The following PARPBP variants were observed in gnomAD, a reference collection of about 807,000 sequenced individuals.
PARPBP encodes the protein PCNA-interacting partner.
A neutral mutation model predicts 50.0 loss-of-function variants in PARPBP; 52 were observed. The observed-to-expected ratio is 1.04, with a 90% CI of 0.83 to 1.31. The LOEUF (loss-of-function observed/expected upper bound fraction) is 1.31. Ranked by LOEUF, PARPBP falls within the 50% of genes most tolerant of loss-of-function variation. PARPBP has a pLI of 0.00. For missense variants in PARPBP, 697 were observed against 672.0 expected, an observed-to-expected ratio of 1.04 and a Z score of -0.41; for synonymous variants, 244 against 232.1, an observed-to-expected ratio of 1.05 and a Z score of -0.47.
Position 102,139,710 on chromosome 12 carries a change from G to A in PARPBP, c.154-8520G>A, listed in dbSNP as rs551129591. On this transcript the variant is annotated intron_variant, in intron 2 of 10. Coordinates refer to ENST00000327680, the MANE Select transcript of PARPBP (RefSeq NM_017915.5). ...AGCCTGAAGGGCTGTTGAATTTTGT[G>A]GAAGGCCTTTTCTGCATCTGTTGAG... Among the ~76,000 whole-genome samples, 9 of 152,184 alleles carry A rather than the reference G, an allele frequency of 5.9e-5. 1 individual carries two copies. The highest frequency in any genetic ancestry group is 6.8e-3 in the Middle Eastern group (2 of 294).
chr12:102,151,543 T>C (rs1051357942), intron 3 of PARPBP: 2 of 1,513,918 alleles, frequency 1.3e-6, no homozygotes, highest in South Asian at 1.2e-5. Flanking sequence ...CTGCACACTT[T>C]TTAGGACCTT....
Position 102,175,559 on chromosome 12 carries a change from A to C in PARPBP, c.898A>C (p.Lys300Gln). ...CCAAAACAGCAGGGATCCTTTTTGCAAAGCAATAGAGGAAGTTGCTCAGGA... is the reference window on the plus strand; with the variant it reads ...CCAAAACAGCAGGGATCCTTTTTGCCAAGCAATAGAGGAAGTTGCTCAGGA... The part of the protein sequence containing the change: ...KGQNSRDPFC[K>Q]AIEEVAQDLD... The change falls in exon 7 of 11, where the codon AAA becomes CAA. Residue 300 changes from lysine to glutamine, a missense_variant. By Grantham distance (53) the Lys-to-Gln change is moderately conservative (BLOSUM62 1). Coordinates refer to ENST00000327680, the MANE Select transcript of PARPBP (RefSeq NM_017915.5). 1 of 1,612,972 alleles carries C rather than the reference A, an allele frequency of 6.2e-7. No homozygotes were observed. The highest frequency in any genetic ancestry group is 8.5e-7 in the Non-Finnish European group (1 of 1,178,990).
chr12:102,155,604 G>GT (rs1555216804), intron 4 of PARPBP, among the ~76,000 whole-genome samples: 2 of 115,484 alleles, frequency 1.7e-5, no homozygotes, highest in South Asian at 3.7e-4. Context: ...TGGGGGGGGG[G>GT]GGCGGGGACA....
At chr12:102,167,939 C>G (rs12424965) in intron 6 of PARPBP, among the ~76,000 whole-genome samples, 35,170 of 152,062 alleles carry the variant, frequency 0.23, 4,238 homozygotes, top group East Asian at 0.42. Flanking sequence ...CCTGCCTTTA[C>G]ATAGCCATCA....
intron 2 of PARPBP, among the ~76,000 whole-genome samples, chr12:102,140,238 C>A (rs1317094122): frequency 6.6e-6 from 1 of 152,084 alleles, no homozygotes; most frequent in Non-Finnish European, 1.5e-5. Flanking sequence ...AGGAATTGAT[C>A]CATTTCTTCT....
rs1290721044 is a variant in PARPBP at position 102,165,817 on chromosome 12, G to T, written c.755G>T (p.Gly252Val). 6.3e-7 allele frequency: 1 copy of T among 1,586,022 alleles called. No individual in the cohort carries two copies. The highest frequency in any genetic ancestry group is 1.7e-5 in the Admixed American group (1 of 59,790). Residue 252 changes from glycine to valine, a missense_variant, in exon 6 of 11, where the codon GGA (glycine) becomes GTA (valine). Coordinates refer to ENST00000327680, the MANE Select transcript of PARPBP (RefSeq NM_017915.5). ...GATCCTTTAAGGACACATGTAAAGG[G>T]ATTGTCTAATTTTATTAATTTCATT... ...PSDPLRTHVKGLSNFINFIDK... is the reference protein window; with the variant it reads ...PSDPLRTHVKVLSNFINFIDK...
rs762642978 is a variant in PARPBP at position 102,165,754 on chromosome 12, T to A, written c.692T>A (p.Ile231Lys). ...FLVATSFIRT[I>K]ELGGKGYAPP... is the part of the protein sequence containing the mutation. ...GTGGCCACGTCTTTTATTAGAACAA[T>A]AGAGCTTGGAGGGAAAGGATATGCA... The change falls in exon 6 of 11, where the codon ATA (isoleucine) becomes AAA (lysine). Residue 231 changes from isoleucine (I) to lysine (K), a missense_variant. Coordinates refer to ENST00000327680, the MANE Select transcript of PARPBP (RefSeq NM_017915.5). 6.2e-7 allele frequency: 1 copy of A among 1,609,398 alleles called. No homozygotes were observed. Among genetic ancestry groups the A allele is most frequent in the African/African-American group, 1.3e-5 (1 of 74,754 alleles).
Position 102,186,106 on chromosome 12 carries a change from TTGGTCATAGTGGTCTCTAA to T in PARPBP, c.1263+3482_1263+3500del, listed in dbSNP as rs71094540. Reference sequence around the variant, plus strand: ...AGGTTTTCCAATTTATTGGCATTTGTTGGTCATAGTGGTCTCTAATGACCCTTTGAATTTCTGCAATATT... The same window carrying T: ...AGGTTTTCCAATTTATTGGCATTTGTTGACCCTTTGAATTTCTGCAATATT... On this transcript the variant is annotated intron_variant, in intron 9 of 10. Transcript: ENST00000327680. 4.4e-3 allele frequency among the ~76,000 whole-genome samples: 670 copies of T among 152,296 alleles called. 2 individuals carry two copies. The highest frequency in any genetic ancestry group is 7.2e-3 in the Non-Finnish European group (488 of 68,004).
intron 2 of PARPBP, among the ~76,000 whole-genome samples, chr12:102,126,855 A>C (rs2137152199): frequency 6.6e-6 from 1 of 152,326 alleles, no homozygotes; most frequent in South Asian, 2.1e-4. Context: ...CATTATTTTC[A>C]AGATCTTTTC....
intron 3 of PARPBP, among the ~76,000 whole-genome samples, chr12:102,150,995 C>T (rs1886111095): frequency 6.6e-6 from 1 of 152,178 alleles, no homozygotes; most frequent in African/African-American, 2.4e-5. Flanking sequence ...ACTTCTATTA[C>T]TTGTAGAACT....
intron 2 of PARPBP, among the ~76,000 whole-genome samples, chr12:102,126,509 G>A (rs932536446): frequency 4.6e-5 from 7 of 152,176 alleles, no homozygotes; most frequent in Admixed American, 1.3e-4. Context: ...AGATGGGGCC[G>A]GGTGCTGTGG....
intron 6 of PARPBP, among the ~76,000 whole-genome samples, chr12:102,169,358 A>G (rs554576798): frequency 1.3e-5 from 2 of 152,290 alleles, no homozygotes; most frequent in South Asian, 2.1e-4. Context: ...TTTCAGAAAC[A>G]TATCTTCAAC....
At chr12:102,151,600 G>A in intron 3 of PARPBP, 1 of 1,535,640 alleles carries the variant, frequency 6.5e-7, no homozygotes. Context: ...TTCAGAAAGA[G>A]GAAGCTTGCT....
rs989998438 is a variant in PARPBP, at chr12:102,165,854, T to A, written c.792T>A (p.Asp264Glu). The change falls in exon 6 of 11, where the codon GAT becomes GAA. Residue 264 changes from aspartate to glutamate, a missense_variant. Asp to Glu is a conservative substitution (Grantham distance 45). Transcript: ENST00000327680. Reference protein sequence around the residue: ...SNFINFIDKLDEILGEIPNPS... With the variant: ...SNFINFIDKLEEILGEIPNPS... ...TTATTAATTTCATTGACAAATTAGA[T>A]GAGATTCTTGGAGAAATACCAAACC... The A allele has an allele frequency of 7.0e-6, 11 of 1,569,882 alleles. No individual in the cohort carries two copies. The highest frequency in any genetic ancestry group is 9.6e-6 in the Non-Finnish European group (11 of 1,142,910).
intron 2 of PARPBP, among the ~76,000 whole-genome samples, chr12:102,139,282 C>G (rs1884169480): frequency 6.6e-6 from 1 of 151,968 alleles, no homozygotes; most frequent in Non-Finnish European, 1.5e-5. Context: ...TGATTTGGCT[C>G]TCTGTCTGTG....
At chr12:102,190,034 T>C (rs1890653127) in intron 9 of PARPBP, among the ~76,000 whole-genome samples, 1 of 152,172 alleles carries the variant, frequency 6.6e-6, no homozygotes, top group South Asian at 2.1e-4. Context: ...ACCTCAAAGC[T>C]TGTGTTCCTA....
At chr12:102,179,564 C>T (rs1000461623) in intron 8 of PARPBP, among the ~76,000 whole-genome samples, 2 of 152,154 alleles carry the variant, frequency 1.3e-5, no homozygotes, top group African/African-American at 2.4e-5. Context: ...ATGTCCTTTC[C>T]TTGGTAGAAG....
At chr12:102,126,558 C>T (rs1203869917) in intron 2 of PARPBP, among the ~76,000 whole-genome samples, 6 of 152,080 alleles carry the variant, frequency 3.9e-5, no homozygotes, top group East Asian at 1.9e-4. Flanking sequence ...AGACTGAGGC[C>T]GGCAGATCAC....
chr12:102,152,379 T>C (rs1886318173), intron 3 of PARPBP, among the ~76,000 whole-genome samples: 1 of 152,190 alleles, frequency 6.6e-6, no homozygotes, highest in Admixed American at 6.5e-5. Flanking sequence ...CACATTTCTT[T>C]TAAGGTTTCT....
Sources: allele counts gnomAD v4.1 joint callset (sites outside exome capture counted in the v4.1 genomes callset), GRCh38; gene constraint gnomAD v4.1.1; transcripts MANE v1.5; gene names NCBI Gene and HGNC (gene_info 2026-07-23, HGNC 2026-07-21).